Variants in MGMT observed in about 807,000 individuals in gnomAD.
The protein encoded by MGMT is O-6-methylguanine-DNA methyltransferase.
Under a neutral mutation model 15.9 loss-of-function variants are expected in MGMT, and 14 were observed. The ratio of observed to expected loss-of-function variants is 0.88; its 90% CI spans 0.58 to 1.37. The LOEUF is 1.37. Ranked by LOEUF, MGMT falls within the 40% of genes most tolerant of loss-of-function variation. MGMT has a pLI of 0.00. For missense variants in MGMT, 282 were observed against 268.1 expected (o/e 1.05, Z -0.36); for synonymous variants, 130 against 118.2 (o/e 1.10, Z -0.65).
intron 3 of MGMT, among the ~76,000 whole-genome samples, chr10:129,735,386 TC>T (rs1848548498): frequency 6.6e-6 from 1 of 152,206 alleles, no homozygotes; most frequent in Non-Finnish European, 1.5e-5. Context: ...AGTTTGTATT[TC>T]TGTGGGATTG....
At chr10:129,709,912 A>G (rs963488645) in intron 3 of MGMT, among the ~76,000 whole-genome samples, 2 of 152,166 alleles carry the variant, frequency 1.3e-5, no homozygotes, top group African/African-American at 4.8e-5. Context: ...CCAGCAAGGA[A>G]GGTGGCACCG....
At chr10:129,550,827 C>T (rs1210472875) in intron 2 of MGMT, among the ~76,000 whole-genome samples, 1 of 152,228 alleles carries the variant, frequency 6.6e-6, no homozygotes, top group African/African-American at 2.4e-5. Flanking sequence ...CAGCCCATCC[C>T]CTGGCACCCA....
chr10:129,643,154 C>T (rs2133091370), intron 2 of MGMT, among the ~76,000 whole-genome samples: 1 of 152,204 alleles, frequency 6.6e-6, no homozygotes, highest in South Asian at 2.1e-4. Flanking sequence ...TCCCCTTCAC[C>T]TTCATCCTTG....
intron 2 of MGMT, among the ~76,000 whole-genome samples, chr10:129,544,813 T>TA (rs973778920): frequency 6.6e-6 from 1 of 152,224 alleles, no homozygotes; most frequent in African/African-American, 2.4e-5. Context: ...GTATGGGAAA[T>TA]AAGGTTCAAT....
At chr10:129,542,167 G>A (rs780008434) in intron 2 of MGMT, among the ~76,000 whole-genome samples, 1 of 152,202 alleles carries the variant, frequency 6.6e-6, no homozygotes, top group Non-Finnish European at 1.5e-5. Flanking sequence ...GCAGCAGGAG[G>A]TGACCTGCGT....
intron 1 of MGMT, among the ~76,000 whole-genome samples, chr10:129,467,825 A>G (rs958765101): frequency 5.3e-5 from 8 of 152,204 alleles, no homozygotes; most frequent in Non-Finnish European, 1.0e-4. Flanking sequence ...AGAGTAAGCA[A>G]GGCTCGCTGG....
intron 1 of MGMT, among the ~76,000 whole-genome samples, chr10:129,500,691 A>G (rs1845566184): frequency 6.6e-6 from 1 of 152,124 alleles, no homozygotes; most frequent in African/African-American, 2.4e-5. Flanking sequence ...CTGGGATTAC[A>G]GGTACCCACC....
At chr10:129,481,371 T>A (rs1024520606) in intron 1 of MGMT, among the ~76,000 whole-genome samples, 1 of 152,186 alleles carries the variant, frequency 6.6e-6, no homozygotes, top group Non-Finnish European at 1.5e-5. Context: ...TGTGGATATG[T>A]TTGAGGATTG....
chr10:129,688,341 C>T (rs946556260), intron 2 of MGMT, among the ~76,000 whole-genome samples: 12 of 152,238 alleles, frequency 7.9e-5, no homozygotes, highest in African/African-American at 2.9e-4. Flanking sequence ...TCCACATCCT[C>T]TCCAGCACCT....
chr10:129,565,155 G>A (rs949684384), intron 2 of MGMT, among the ~76,000 whole-genome samples: 2 of 152,226 alleles, frequency 1.3e-5, no homozygotes, highest in Non-Finnish European at 2.9e-5. Flanking sequence ...CCTGCTCCTC[G>A]TGTGGGGCCC....
chr10:129,660,301 C>T (rs554185515), intron 2 of MGMT, among the ~76,000 whole-genome samples: 4 of 151,892 alleles, frequency 2.6e-5, no homozygotes, highest in South Asian at 2.1e-4. Flanking sequence ...GGCGGATGGG[C>T]GAGTGCTGTT....
At position 129,532,298 on chromosome 10, in the gene MGMT, G is replaced by A. The variant is rs760129420; in HGVS notation, c.-12-3943G>A. Among the ~76,000 whole-genome samples, 8 of 152,322 alleles carry A rather than the reference G, an allele frequency of 5.3e-5. No homozygotes were observed. In the Middle Eastern group the frequency reaches 0.014, roughly 259 times the overall value. Reference sequence around the variant, plus strand: ...GGTCCTTGGGCATTTCCTGGGTGGCGGTGCTCTCTGGGGTGCAGAGTTGGT... The same window carrying A: ...GGTCCTTGGGCATTTCCTGGGTGGCAGTGCTCTCTGGGGTGCAGAGTTGGT... On this transcript the variant is annotated intron_variant, in intron 1 of 4. Coordinates refer to ENST00000651593, the MANE Select transcript of MGMT (RefSeq NM_002412.5). This position sits in a 1 kb window ranked among gnomAD's most constrained non-coding sequence, Gnocchi z 5.3.
chr10:129,515,756 C>T (rs1414805762), intron 1 of MGMT, among the ~76,000 whole-genome samples: 2 of 152,152 alleles, frequency 1.3e-5, no homozygotes, highest in African/African-American at 4.8e-5. Context: ...ACAGGTGGGC[C>T]TGTGGACTGT....
At chr10:129,639,345 C>T (rs1847301249) in intron 2 of MGMT, among the ~76,000 whole-genome samples, 1 of 152,166 alleles carries the variant, frequency 6.6e-6, no homozygotes, top group South Asian at 2.1e-4. Context: ...TCTTAAATGG[C>T]TATGTACCTG....
At chr10:129,702,246 A>G (rs1848107916) in intron 2 of MGMT, 1 of 152,182 alleles carries the variant, frequency 6.6e-6, no homozygotes, top group Non-Finnish European at 1.5e-5. Context: ...TGTTTTTCTT[A>G]AAGAAATCCT....
chr10:129,571,233 G>A (rs1846413653), intron 2 of MGMT, among the ~76,000 whole-genome samples: 1 of 152,176 alleles, frequency 6.6e-6, no homozygotes, highest in African/African-American at 2.4e-5. Flanking sequence ...CACCTCAACT[G>A]TCAACATTTC....
chr10:129,739,695 C>T lies in MGMT; in HGVS notation c.275-19507C>T, dbSNP rs545287359. On this transcript the variant is annotated intron_variant, in intron 3 of 4. Transcript: ENST00000651593. ...CCAAGCTTGTCCAATCCTCAGCCTG[C>T]GAGCCACCTGCAGCCCAGGATAGCT... 5.7e-4 allele frequency among the ~76,000 whole-genome samples: 87 copies of T among 152,310 alleles called. 1 individual carries two copies. The South Asian group carries it at 0.014, about 25-fold the overall frequency.
chr10:129,742,667 G>A (rs1250791232), intron 3 of MGMT, among the ~76,000 whole-genome samples: 13 of 87,772 alleles, frequency 1.5e-4, no homozygotes, highest in Admixed American at 3.8e-4. Flanking sequence ...GTGCCCCACG[G>A]CTGCAGCGGC....
intron 3 of MGMT, among the ~76,000 whole-genome samples, chr10:129,738,616 G>A (rs971401025): frequency 2.0e-5 from 3 of 152,184 alleles, no homozygotes; most frequent in Non-Finnish European, 4.4e-5. Flanking sequence ...TCATTGATGG[G>A]CATTTGGGTT....
Sources: allele counts gnomAD v4.1 joint callset (sites outside exome capture counted in the v4.1 genomes callset), GRCh38; gene constraint gnomAD v4.1.1; non-coding constraint Gnocchi (gnomAD v3.1); transcripts MANE v1.5; gene names NCBI Gene and HGNC (gene_info 2026-07-23, HGNC 2026-07-21).